CYP24A1: variants seen among roughly 807,000 people sequenced by gnomAD.
CYP24A1 encodes the protein 1,25-dihydroxyvitamin D(3) 24-hydroxylase, mitochondrial.
In CYP24A1, 68 loss-of-function variants were observed where a neutral mutation model predicts 62.4. That is an observed-to-expected ratio of 1.09 (90% CI 0.90 to 1.33). The LOEUF (loss-of-function observed/expected upper bound fraction) is 1.33, where lower values mean the gene tolerates loss of function less well. Ranked by LOEUF, CYP24A1 falls within the 40% of genes most tolerant of loss-of-function variation. The probability of loss-of-function intolerance (pLI) is 0.00; values close to 1 mark genes in which losing one functional copy is unlikely to be tolerated. For missense variants in CYP24A1, 787 were observed against 653.0 expected (o/e 1.21, Z -2.24); for synonymous variants, 267 against 253.0 (o/e 1.06, Z -0.52).
chr20:54,160,917 T>C (rs1039258266), intron 7 of CYP24A1, among the ~76,000 whole-genome samples: 6 of 152,220 alleles, frequency 3.9e-5, no homozygotes, highest in Admixed American at 6.5e-5. Flanking sequence ...CTATCCTTGA[T>C]TGACCTCCAT....
In CYP24A1 at chr20:54,157,315, A is replaced by C. The variant is rs1444217334; in HGVS notation, c.1435-26T>G. 6 of 1,495,274 alleles carry C rather than the reference A, an allele frequency of 4.0e-6. No homozygotes were observed. The South Asian group carries it at 6.8e-5, about 17-fold the overall frequency. The allele number at this position is 1,495,274 out of a possible 1,614,324, so 92.6% of individuals were successfully genotyped here. A position where few individuals can be genotyped will look rare whatever the true frequency, so the allele number is the denominator to read the frequency against. Reference sequence around the variant, plus strand: ...CTGTAATGCACACGCACACAAAAACAGAATTACCCCTCTCTTCTTCTGCCT... The same window carrying C: ...CTGTAATGCACACGCACACAAAAACCGAATTACCCCTCTCTTCTTCTGCCT... On this transcript the variant is annotated intron_variant, in intron 10 of 11. Transcript: ENST00000216862.
chr20:54,159,180 A>AT (rs2092641005), intron 7 of CYP24A1, 57 bp from the exon 8 acceptor site: 1 of 1,406,104 alleles, frequency 7.1e-7, no homozygotes, highest in Admixed American at 1.7e-5. Flanking sequence ...TTAAACCACT[A>AT]TTAGCTGAAA....
At chr20:54,149,126 T>G (rs2092608841), downstream of CYP24A1, among the ~76,000 whole-genome samples, 1 of 152,234 alleles carries the variant, frequency 6.6e-6, no homozygotes, top group South Asian at 2.1e-4. Context: ...ATTAAATATT[T>G]CCTTTTACCT....
rs2092657858 is a variant in CYP24A1 at position 54,162,821 on chromosome 20, G to T, written c.886C>A (p.Gln296Lys). ...TCACAAAGGAAATCTGCACTAGGCT[G>T]CTGAGAATACTTCTCTAACCGGTTG... ...IDNRLEKYSQQPSADFLCDIY... is the reference protein window; with the variant it reads ...IDNRLEKYSQKPSADFLCDIY... Residue 296 changes from glutamine (Q) to lysine (K), a missense_variant, in exon 7 of 12, where the codon CAG becomes AAG. Physicochemically the swap from Gln to Lys is moderately conservative, Grantham distance 53 (BLOSUM62 1). Transcript: ENST00000216862. The T allele has an allele frequency of 1.9e-6, 3 of 1,557,088 alleles. No homozygotes were observed. The highest frequency in any genetic ancestry group is 2.7e-6 in the Non-Finnish European group (3 of 1,128,204).
chr20:54,158,944 G>A lies in CYP24A1; in HGVS notation c.1157+13C>T. On this transcript the variant is annotated intron_variant, in intron 8 of 11. Transcript: ENST00000216862. ...TCTAACACATTTATATTGGCTCAGAGATAGGCTCTTACCTCATAGATTCTT... is the reference window on the plus strand; with the variant it reads ...TCTAACACATTTATATTGGCTCAGAAATAGGCTCTTACCTCATAGATTCTT... 1 of 1,614,178 alleles carries A rather than the reference G, an allele frequency of 6.2e-7. No homozygotes were observed. Among genetic ancestry groups the A allele is most frequent in the Non-Finnish European group, 8.5e-7 (1 of 1,180,014 alleles).
chr20:54,158,854 T>C, intron 8 of CYP24A1, 103 bp downstream of exon 8: 3 of 1,586,252 alleles, frequency 1.9e-6, no homozygotes, highest in East Asian at 4.5e-5. Context: ...TAATTGTTTC[T>C]AATTAGCTAG....
intron 2 of CYP24A1, chr20:54,172,087 T>G (rs2092696014): frequency 3.6e-6 from 1 of 276,694 alleles, no homozygotes; most frequent in South Asian, 4.1e-5. Context: ...TGGTGTGGGC[T>G]TCATATTTAC....
rs2092633632 is a variant in CYP24A1, at chr20:54,157,520, C to G, written c.1302G>C (p.Gln434His). 1.2e-6 allele frequency: 2 copies of G among 1,600,642 alleles called. No individual in the cohort carries two copies. Residue 434 changes from glutamine to histidine, a missense_variant, in exon 10 of 12, where the codon CAG (glutamine) becomes CAC (histidine). Coordinates refer to ENST00000216862, the MANE Select transcript of CYP24A1 (RefSeq NM_000782.5). ...SSEDNFEDSS[Q>H]FRPERWLQEK... ...CCTGAAGCCAACGTTCAGGTCTAAACTGACTTGAATCTTCAAAATTGTCTT... is the reference window on the plus strand; with the variant it reads ...CCTGAAGCCAACGTTCAGGTCTAAAGTGACTTGAATCTTCAAAATTGTCTT...
intron 7 of CYP24A1, among the ~76,000 whole-genome samples, chr20:54,162,101 T>C (rs2092652514): frequency 6.6e-6 from 1 of 152,172 alleles, no homozygotes; most frequent in South Asian, 2.1e-4. Flanking sequence ...AGAGACAGAA[T>C]TTTGGTCTTT....
At chr20:54,144,003 A>G in the CYP24A1 span, among the ~76,000 whole-genome samples, 1 of 152,214 alleles carries the variant, frequency 6.6e-6, no homozygotes, top group African/African-American at 2.4e-5. Context: ...AAAGTAGAAG[A>G]AAATCTAAAT....
chr20:54,147,345 C>T, the CYP24A1 span, among the ~76,000 whole-genome samples: 1 of 152,192 alleles, frequency 6.6e-6, no homozygotes, highest in East Asian at 1.9e-4. Flanking sequence ...CCCTAAAAAC[C>T]AAAGGAAAAA....
chr20:54,148,561 G>A (rs2092608066), downstream of CYP24A1, among the ~76,000 whole-genome samples: 3 of 152,066 alleles, frequency 2.0e-5, 1 homozygote, highest in South Asian at 6.2e-4. Flanking sequence ...CGGTGGGGCA[G>A]GTAAAGTACA....
chr20:54,168,110 C>A (rs1020839406), intron 4 of CYP24A1, among the ~76,000 whole-genome samples: 1 of 152,160 alleles, frequency 6.6e-6, no homozygotes, highest in Non-Finnish European at 1.5e-5. Flanking sequence ...TCCTACTCAA[C>A]CATCAGGACT....
chr20:54,155,392 G>A (rs192266208), intron 11 of CYP24A1, among the ~76,000 whole-genome samples: 369 of 152,142 alleles, frequency 2.4e-3, no homozygotes, highest in Non-Finnish European at 2.3e-3. Context: ...GATAGAATCC[G>A]GGTTTAAACA....
At position 54,173,841 on chromosome 20, in the gene CYP24A1, C is replaced by T. The variant is rs1355316922; in HGVS notation, c.-262G>A. On this transcript the variant is annotated 5_prime_UTR_variant, in exon 1 of 12. Coordinates refer to ENST00000216862, the MANE Select transcript of CYP24A1 (RefSeq NM_000782.5). The surrounding 1 kb of genome is among the most constrained non-coding windows in gnomAD (Gnocchi z 7.2). ...GGGGCTGGAAGAGGGTGGCCGGTGT[C>T]TGGGGACCTCTTGAAAAGGGAAAGC... The T allele has an allele frequency of 1.8e-6, 1 of 556,566 alleles. No homozygotes were observed. The highest frequency in any genetic ancestry group is 1.9e-5 in the African/African-American group (1 of 53,184). 34.5% of individuals were successfully genotyped at this position (556,566 alleles called of 1,614,324 possible).
intron 7 of CYP24A1, 121 bp from the exon 8 acceptor site, chr20:54,159,244 C>T (rs542620576): frequency 1.9e-5 from 15 of 786,850 alleles, no homozygotes; most frequent in African/African-American, 6.8e-5. Flanking sequence ...AGCTCTTTCA[C>T]GCGTCCTTAT....
In CYP24A1 at chr20:54,172,945, C is replaced by A; in HGVS notation, c.413G>T (p.Arg138Leu). The A allele has an allele frequency of 1.2e-6, 2 of 1,613,782 alleles. No homozygotes were observed. The highest frequency in any genetic ancestry group is 1.7e-6 in the Non-Finnish European group (2 of 1,180,034). The change falls in exon 2 of 12, where the codon CGC becomes CTC. Residue 138 changes from arginine (R) to leucine (L), a missense_variant. By Grantham distance (102) the Arg-to-Leu change is moderately radical. Transcript: ENST00000216862. ...RLEIKPWKAY[R>L]DYRKEGYGLL... ...CCCGTAGCCTTCTTTGCGGTAGTCG[C>A]GATAGGCCTTCCACGGTTTGATCTC...
chr20:54,149,074 C>A (rs6022985), downstream of CYP24A1, among the ~76,000 whole-genome samples: 2 of 152,066 alleles, frequency 1.3e-5, no homozygotes, highest in African/African-American at 2.4e-5. Flanking sequence ...TGGTTTGCCC[C>A]TGTACCCATG....
Position 54,161,816 on chromosome 20 carries a change from G to A in CYP24A1, c.990+901C>T, listed in dbSNP as rs547821752. ...GAGCAGGAGGAGAAATGAGAACCTC[G>A]CTATCTCCTGATAGAGAAAACCCTA... On this transcript the variant is annotated intron_variant, in intron 7 of 11. Transcript: ENST00000216862. Among the ~76,000 whole-genome samples, 3 of 152,288 alleles carry A rather than the reference G, an allele frequency of 2.0e-5. No homozygotes were observed. The South Asian group carries it at 6.2e-4, about 32-fold the overall frequency.
Sources: gnomAD v4.1 joint callset for allele counts (sites outside exome capture counted in the v4.1 genomes callset) on GRCh38, gnomAD v4.1.1 for gene constraint, Gnocchi (gnomAD v3.1) non-coding constraint, MANE v1.5 for transcripts, NCBI Gene and HGNC (gene_info 2026-07-23, HGNC 2026-07-21) for gene names.